Variants in WWOX observed in about 807,000 individuals in gnomAD.
WWOX encodes WW domain-containing oxidoreductase.
WWOX carries 69 observed loss-of-function variants against 46.2 expected under a neutral mutation model. The observed-to-expected ratio is 1.49, with a 90% CI of 1.23 to 1.82. The LOEUF (loss-of-function observed/expected upper bound fraction) is 1.82, where lower values mean the gene tolerates loss of function less well. Among genes scored for constraint, WWOX ranks in the 40% most tolerant of loss-of-function variants. The pLI is 0.00. For synonymous variants in WWOX, 359 were observed against 202.6 expected (o/e 1.77, Z -6.56); for missense variants, 919 against 542.6 (o/e 1.69, Z -6.89).
At chr16:78,355,328 C>A (rs562963835) in intron 5 of WWOX, among the ~76,000 whole-genome samples, 2 of 151,792 alleles carry the variant, frequency 1.3e-5, no homozygotes, top group African/African-American at 4.8e-5. Flanking sequence ...TGGTGCTGGG[C>A]GCAGTGGCTC....
intron 8 of WWOX, among the ~76,000 whole-genome samples, chr16:78,965,192 CAT>C (rs1597213979): frequency 6.6e-6 from 1 of 152,326 alleles, no homozygotes; most frequent in East Asian, 1.9e-4. Flanking sequence ...CTTTAAACCT[CAT>C]ATGTTTCCAT....
chr16:78,331,932 G>T (rs984418967), intron 5 of WWOX, among the ~76,000 whole-genome samples: 1 of 152,294 alleles, frequency 6.6e-6, no homozygotes, highest in African/African-American at 2.4e-5. Flanking sequence ...ACAGGGAGAA[G>T]TTGGAGCTGG....
intron 8 of WWOX, among the ~76,000 whole-genome samples, chr16:78,820,412 C>G (rs538062922): frequency 6.6e-6 from 1 of 152,292 alleles, no homozygotes; most frequent in East Asian, 1.9e-4. Context: ...TTGGAGACAT[C>G]TCAGTATTCC....
At chr16:78,905,189 G>C (rs1009480349) in intron 8 of WWOX, among the ~76,000 whole-genome samples, 1 of 152,178 alleles carries the variant, frequency 6.6e-6, no homozygotes, top group Admixed American at 6.5e-5. Context: ...GCTGGCCTGA[G>C]CATGAGGTTG....
At chr16:79,161,458 GAGA>G (rs1228201908) in intron 8 of WWOX, among the ~76,000 whole-genome samples, 14 of 152,200 alleles carry the variant, frequency 9.2e-5, no homozygotes, top group African/African-American at 3.1e-4. Flanking sequence ...GAGTAGGGGA[GAGA>G]AGGAGAGAAG....
At chr16:78,216,924 T>G (rs1466601938) in intron 5 of WWOX, among the ~76,000 whole-genome samples, 1 of 152,174 alleles carries the variant, frequency 6.6e-6, no homozygotes, top group Non-Finnish European at 1.5e-5. Context: ...GGTTTCACCA[T>G]GTTGGCGAGG....
intron 8 of WWOX, among the ~76,000 whole-genome samples, chr16:78,565,577 T>A (rs1417634651): frequency 6.6e-6 from 1 of 152,224 alleles, no homozygotes; most frequent in African/African-American, 2.4e-5. Context: ...TAATCTTGGA[T>A]AATCACTCCA....
At chr16:79,083,159 C>G (rs113660193) in intron 8 of WWOX, among the ~76,000 whole-genome samples, 186 of 152,224 alleles carry the variant, frequency 1.2e-3, no homozygotes, top group African/African-American at 4.0e-3. Context: ...ATGGCGAGTC[C>G]CTAACACTGC....
chr16:78,523,130 C>T (rs551290106), intron 8 of WWOX, among the ~76,000 whole-genome samples: 5 of 152,262 alleles, frequency 3.3e-5, no homozygotes, highest in African/African-American at 9.6e-5. Context: ...AGAAATTATG[C>T]TCTAAATCCT....
intron 5 of WWOX, among the ~76,000 whole-genome samples, chr16:78,336,868 C>G (rs1298088566): frequency 6.6e-6 from 1 of 152,096 alleles, no homozygotes; most frequent in South Asian, 2.1e-4. Flanking sequence ...TCTCCTCCGC[C>G]TCCCAGTTTA....
Position 79,045,052 on chromosome 16 carries a change from A to G in WWOX, c.1057-166556A>G, listed in dbSNP as rs78454122. Among the ~76,000 whole-genome samples, 53 of 152,352 alleles carry G rather than the reference A, an allele frequency of 3.5e-4. 1 individual carries two copies. The East Asian group carries it at 0.01, about 29-fold the overall frequency. On this transcript the variant is annotated intron_variant, in intron 8 of 8. Transcript: ENST00000566780. The stretch of plus-strand genomic sequence containing the variant: ...AGAAGATGCTAAGTTCTCTGGAAAG[A>G]TCAGCTCTGCTCCTGTCAATCTCTC...
intron 8 of WWOX, among the ~76,000 whole-genome samples, chr16:78,729,051 A>G (rs2048902164): frequency 6.6e-6 from 1 of 152,138 alleles, no homozygotes; most frequent in Non-Finnish European, 1.5e-5. Context: ...AGATATCCCT[A>G]AAGACATCCT....
chr16:78,835,375 G>C (rs539559811), intron 8 of WWOX, among the ~76,000 whole-genome samples: 214 of 152,272 alleles, frequency 1.4e-3, no homozygotes, highest in Middle Eastern at 3.4e-3. Flanking sequence ...GTTGATAATG[G>C]TCAAATCCTC....
In WWOX at chr16:78,311,793, G is replaced by A. The variant is rs536938302; in HGVS notation, c.517-75067G>A. ...TTATTTTTAAAAAGCAGCCTGGCGG[G>A]GGGGTATTCATTTTTCTGTGGCTGC... is the stretch of plus-strand genomic sequence containing the variant. On this transcript the variant is annotated intron_variant, in intron 5 of 8. Transcript: ENST00000566780. 2.0e-5 allele frequency among the ~76,000 whole-genome samples: 3 copies of A among 152,122 alleles called. No individual in the cohort carries two copies. In the East Asian group the frequency reaches 5.8e-4, roughly 29 times the overall value.
intron 5 of WWOX, among the ~76,000 whole-genome samples, chr16:78,328,551 G>C (rs950556746): frequency 2.0e-5 from 3 of 152,176 alleles, no homozygotes; most frequent in African/African-American, 7.2e-5. Flanking sequence ...CTTTATTCTT[G>C]CAACAAGTAT....
At chr16:78,420,570 C>T (rs1567561908) in intron 6 of WWOX, among the ~76,000 whole-genome samples, 2 of 150,470 alleles carry the variant, frequency 1.3e-5, no homozygotes, top group Admixed American at 6.6e-5. Flanking sequence ...CCGGAATAGG[C>T]GAATCTATAG....
At chr16:78,470,318 C>T (rs752652830) in intron 8 of WWOX, among the ~76,000 whole-genome samples, 10 of 152,148 alleles carry the variant, frequency 6.6e-5, no homozygotes, top group Non-Finnish European at 1.2e-4. Context: ...CAGGAAGATG[C>T]GGGGCATAGT....
chr16:79,050,198 G>A (rs1212700074), intron 8 of WWOX, among the ~76,000 whole-genome samples: 2 of 152,182 alleles, frequency 1.3e-5, no homozygotes, highest in Non-Finnish European at 2.9e-5. Context: ...GGGCTTGGCT[G>A]CCCTGCCCTA....
At chr16:78,755,594 C>G (rs980988570) in intron 8 of WWOX, among the ~76,000 whole-genome samples, 1 of 152,150 alleles carries the variant, frequency 6.6e-6, no homozygotes, top group Non-Finnish European at 1.5e-5. Context: ...CCTCTCAGTG[C>G]CACACACCCA....
Sources: allele counts gnomAD v4.1 joint callset (sites outside exome capture counted in the v4.1 genomes callset), GRCh38; gene constraint gnomAD v4.1.1; transcripts MANE v1.5; gene names NCBI Gene and HGNC (gene_info 2026-07-23, HGNC 2026-07-21).